SBNO1: variants seen among roughly 807,000 people sequenced by gnomAD.
SBNO1 encodes the protein protein strawberry notch homolog 1.
In SBNO1, 23 loss-of-function variants were observed where a neutral mutation model predicts 173.6. The ratio of observed to expected loss-of-function variants is 0.13; its 90% CI spans 0.10 to 0.19. SBNO1 has a LOEUF of 0.19. Among genes scored for constraint, SBNO1 ranks in the 10% least tolerant of loss-of-function variants. SBNO1 has a pLI of 1.00. For synonymous variants in SBNO1, 632 were observed against 571.5 expected (o/e 1.11, Z -1.51); for missense variants, 1,238 against 1,671.2 (o/e 0.74, Z 4.52).
chr12:123,344,425 G>A (rs1270059543), intron 4 of SBNO1, among the ~76,000 whole-genome samples: 2 of 152,158 alleles, frequency 1.3e-5, no homozygotes, highest in Admixed American at 6.6e-5. Flanking sequence ...CAGTGGTATG[G>A]ACCCAAACAT....
rs551735923 is a variant in SBNO1, at chr12:123,329,934, C to T, written c.1134+485G>A. 2.6e-5 allele frequency among the ~76,000 whole-genome samples: 4 copies of T among 152,302 alleles called. No homozygotes were observed. The South Asian group carries it at 6.2e-4, about 24-fold the overall frequency. ...CTGGCACACATTGTCTTTCAGCTTA[C>T]AGAATTGTTTTCATGTGAGCAGAGG... On this transcript the variant is annotated intron_variant, in intron 9 of 31. Transcript: ENST00000602398.
chr12:123,343,666 T>G (rs1219113966), intron 4 of SBNO1, among the ~76,000 whole-genome samples: 1 of 151,864 alleles, frequency 6.6e-6, no homozygotes, highest in Non-Finnish European at 1.5e-5. Context: ...GCCTCCCAAG[T>G]AGCTGGAATT....
chr12:123,311,691 C>CCTATCTATCTATCTAT (rs1313680603), intron 24 of SBNO1, among the ~76,000 whole-genome samples: 51 of 121,776 alleles, frequency 4.2e-4, no homozygotes, highest in East Asian at 2.1e-3. Flanking sequence ...AAACAAGTAA[C>CCTATCTATCTATCTAT]CTATCTATCT....
intron 1 of SBNO1, among the ~76,000 whole-genome samples, chr12:123,361,955 A>G (rs1875271531): frequency 6.7e-6 from 1 of 150,272 alleles, no homozygotes; most frequent in Admixed American, 6.7e-5. Flanking sequence ...CCTGGCCAAT[A>G]TGGTGAAACC....
chr12:123,315,510 T>C (rs1419518983), intron 22 of SBNO1, 38 bp downstream of exon 22: 1 of 1,583,860 alleles, frequency 6.3e-7, no homozygotes, highest in Admixed American at 1.7e-5. Context: ...GTACAATAGA[T>C]CATCATTTAC....
chr12:123,360,138 G>T (rs925022948), intron 1 of SBNO1, among the ~76,000 whole-genome samples: 1 of 151,938 alleles, frequency 6.6e-6, no homozygotes, highest in Non-Finnish European at 1.5e-5. Context: ...CCAGCTACTT[G>T]GGAGGCTGAG....
intron 28 of SBNO1, among the ~76,000 whole-genome samples, chr12:123,308,310 G>A (rs2048971436): frequency 6.6e-6 from 1 of 151,990 alleles, no homozygotes; most frequent in Non-Finnish European, 1.5e-5. Context: ...ACTGAAAAAT[G>A]AGTCTTAAAG....
intron 1 of SBNO1, among the ~76,000 whole-genome samples, chr12:123,360,405 T>G: frequency 6.6e-6 from 1 of 152,186 alleles, no homozygotes; most frequent in South Asian, 2.1e-4. Flanking sequence ...ATTTAGATGC[T>G]AAGAAATGCC....
intron 1 of SBNO1, chr12:123,364,163 G>A (rs889532181): frequency 2.0e-6 from 2 of 985,444 alleles, no homozygotes; most frequent in African/African-American, 3.5e-5. Context: ...CCCAAGAGCG[G>A]GGCATGTACG....
In SBNO1 at chr12:123,309,863, T is replaced by C. The variant is rs1378692265; in HGVS notation, c.3296-7A>G. The C allele has an allele frequency of 2.6e-6, 4 of 1,565,974 alleles. No homozygotes were observed. Among genetic ancestry groups the C allele is most frequent in the African/African-American group, 2.8e-5 (2 of 72,434 alleles). ...TTTCCTATGTTGTTATAATCTGTAA[T>C]GACAAAAGATAAACGTTTTCATGCA... On this transcript the variant is annotated splice_polypyrimidine_tract_variant and splice_region_variant and intron_variant, in intron 25 of 31. Coordinates refer to ENST00000602398, the MANE Select transcript of SBNO1 (RefSeq NM_001167856.3).
chr12:123,327,653 T>C, intron 12 of SBNO1, 54 bp downstream of exon 12: 1 of 1,586,814 alleles, frequency 6.3e-7, no homozygotes. Flanking sequence ...GCTTTAGGAA[T>C]AACACACTTC....
At chr12:123,343,203 A>T (rs771207888) in intron 4 of SBNO1, among the ~76,000 whole-genome samples, 6 of 152,192 alleles carry the variant, frequency 3.9e-5, no homozygotes, top group Non-Finnish European at 7.3e-5. Context: ...ATTGCACTCC[A>T]GCCTGGGCGA....
chr12:123,343,287 G>A (rs892415577), intron 4 of SBNO1, among the ~76,000 whole-genome samples: 3 of 152,126 alleles, frequency 2.0e-5, no homozygotes, highest in Non-Finnish European at 4.4e-5. Flanking sequence ...AACTAGAACA[G>A]AGATGATATT....
rs377050356 is a variant in SBNO1 at position 123,297,135 on chromosome 12, G to T, written c.4039+843C>A. Reference sequence around the variant, plus strand: ...AGCACTTTGGGAAGCTGAGGTGGGCGGATCACTTGAGGTCAGGAGTTTGAG... The same window carrying T: ...AGCACTTTGGGAAGCTGAGGTGGGCTGATCACTTGAGGTCAGGAGTTTGAG... On this transcript the variant is annotated intron_variant, in intron 31 of 31. Coordinates refer to ENST00000602398, the MANE Select transcript of SBNO1 (RefSeq NM_001167856.3). 1.8e-4 allele frequency among the ~76,000 whole-genome samples: 27 copies of T among 151,038 alleles called. No individual in the cohort carries two copies. The East Asian group carries it at 4.7e-3, about 26-fold the overall frequency.
chr12:123,358,800 T>G (rs1251134342), intron 1 of SBNO1, among the ~76,000 whole-genome samples: 1 of 146,342 alleles, frequency 6.8e-6, no homozygotes, highest in South Asian at 2.2e-4. Context: ...CAAAGGGAGC[T>G]TGGAATAGAA....
rs150192945 is a variant in SBNO1, at chr12:123,296,586, G to T, written c.4040-536C>A. 3.1e-3 allele frequency among the ~76,000 whole-genome samples: 466 copies of T among 150,682 alleles called. 1 individual carries two copies. Among genetic ancestry groups the T allele is most frequent in the African/African-American group, 0.011 (453 of 41,178 alleles). On this transcript the variant is annotated intron_variant, in intron 31 of 31. Transcript: ENST00000602398. ...TTTTTTGTTTTTTTTTTCTGAGATGGAGTATTGCTCTGTCGCCAGGCTGGA... is the reference window on the plus strand; with the variant it reads ...TTTTTTGTTTTTTTTTTCTGAGATGTAGTATTGCTCTGTCGCCAGGCTGGA...
rs1228269545 is a variant in SBNO1 at position 123,291,215 on chromosome 12, A to G, written c.*4693T>C. 3.3e-5 allele frequency: 5 copies of G among 152,216 alleles called. No individual in the cohort carries two copies. Among genetic ancestry groups the G allele is most frequent in the Non-Finnish European group, 7.3e-5 (5 of 68,034 alleles). The allele number at this position is 152,216 out of a possible 1,614,324, so 9.4% of individuals were successfully genotyped here. On this transcript the variant is annotated 3_prime_UTR_variant, in exon 32 of 32. Coordinates refer to ENST00000602398, the MANE Select transcript of SBNO1 (RefSeq NM_001167856.3). ...CATAGGCCCGACTTCTTAAATAAAC[A>G]TAGGGAATTTGCTGCAGCAGCAGGC...
chr12:123,302,038 T>G (rs1054928360), intron 30 of SBNO1, among the ~76,000 whole-genome samples: 18 of 151,978 alleles, frequency 1.2e-4, no homozygotes, highest in African/African-American at 3.6e-4. Flanking sequence ...CCTCCCGGGT[T>G]CAAACAATTC....
chr12:123,358,993 C>T (rs576569820), intron 1 of SBNO1, among the ~76,000 whole-genome samples: 6 of 151,604 alleles, frequency 4.0e-5, no homozygotes, highest in Admixed American at 1.3e-4. Flanking sequence ...AGGGCAGAGG[C>T]GAGATCTTGG....
Sources: allele counts gnomAD v4.1 joint callset (sites outside exome capture counted in the v4.1 genomes callset), GRCh38; gene constraint gnomAD v4.1.1; transcripts MANE v1.5; gene names NCBI Gene and HGNC (gene_info 2026-07-23, HGNC 2026-07-21).